The following PMS1 variants were observed in gnomAD, a reference collection of about 807,000 sequenced individuals.
PMS1 encodes PMS1 protein homolog 1.
PMS1 carries 79 observed loss-of-function variants against 93.1 expected under a neutral mutation model. The ratio of observed to expected loss-of-function variants is 0.85; its 90% CI spans 0.71 to 1.02. The LOEUF is 1.02. PMS1 is among the 50% of genes least tolerant of loss of function. PMS1 has a pLI of 0.00. For synonymous variants in PMS1, 335 were observed against 363.4 expected (o/e 0.92, Z 0.89); for missense variants, 1,064 against 1,085.3 (o/e 0.98, Z 0.28).
Position 189,863,883 on chromosome 2 carries a change from A to G in PMS1, c.1997A>G (p.His666Arg). 2 of 1,614,132 alleles carry G rather than the reference A, an allele frequency of 1.2e-6. No individual in the cohort carries two copies. Among genetic ancestry groups the G allele is most frequent in the South Asian group, 1.1e-5 (1 of 91,078 alleles). Reference sequence around the variant, plus strand: ...AGCGCATGGAATTTGGCCCAGAAGCACAAGTTAAAAACCTCATTATCTAAT... The same window carrying G: ...AGCGCATGGAATTTGGCCCAGAAGCGCAAGTTAAAAACCTCATTATCTAAT... ...PTSAWNLAQK[H>R]KLKTSLSNQP... The change falls in exon 10 of 13, where the codon CAC (histidine) becomes CGC (arginine). Residue 666 changes from histidine (H) to arginine (R), a missense_variant. By Grantham distance (29) the His-to-Arg change is conservative. Transcript: ENST00000441310.
At position 189,805,681 on chromosome 2, in the gene PMS1, T is replaced by C. The variant is rs2066457; in HGVS notation, c.345T>C (p.Asp115=). Residue 115 remains aspartate (D), a synonymous_variant, in exon 4 of 13, where the codon GAT becomes GAC. Coordinates refer to ENST00000441310, the MANE Select transcript of PMS1 (RefSeq NM_000534.5). ...TAATTACAACAAGAACGGCTGCTGA[T>C]AATTTTAGCACCCAGTATGTTTTAG... ...EVLITTRTAA[D]NFSTQYVLDG... 4,888 of 1,613,826 alleles carry C rather than the reference T, an allele frequency of 3.0e-3. 121 individuals are homozygous for C. The African/African-American group carries it at 0.057, about 19-fold the overall frequency.
intron 4 of PMS1, chr2:189,806,476 C>T (rs771630319): frequency 2.8e-5 from 8 of 282,996 alleles, no homozygotes; most frequent in East Asian, 8.2e-5. Flanking sequence ...TGGTTCACTG[C>T]AACCTCTGCC....
At chr2:189,790,205 T>G (rs538927296) in intron 1 of PMS1, among the ~76,000 whole-genome samples, 1 of 152,284 alleles carries the variant, frequency 6.6e-6, no homozygotes, top group Admixed American at 6.5e-5. Flanking sequence ...CTAAAGGAGC[T>G]CAGTGATTGA....
intron 2 of PMS1, 52 bp downstream of exon 2, chr2:189,791,993 A>C: frequency 6.5e-7 from 1 of 1,539,266 alleles, no homozygotes; most frequent in Non-Finnish European, 9.0e-7. Flanking sequence ...AAGGGTCTGG[A>C]CACATGTTTT....
chr2:189,823,745 C>T (rs1224648499), intron 5 of PMS1, among the ~76,000 whole-genome samples: 1 of 151,276 alleles, frequency 6.6e-6, no homozygotes, highest in Non-Finnish European at 1.5e-5. Flanking sequence ...TCGTTTCCCA[C>T]ATATAAAGTA....
chr2:189,845,285 C>T (rs2054160217), intron 6 of PMS1, among the ~76,000 whole-genome samples: 1 of 151,992 alleles, frequency 6.6e-6, no homozygotes, highest in Non-Finnish European at 1.5e-5. Flanking sequence ...AGTGGGATTA[C>T]ATTTTACCTC....
rs780372372 is a variant in PMS1 at position 189,854,931 on chromosome 2, A to C, written c.1659A>C (p.Ile553=). The change falls in exon 9 of 13, where the codon ATA becomes ATC. Residue 553 remains isoleucine (I), a synonymous_variant. Transcript: ENST00000441310. ...EDSCNKKSNV[I]DNKSGKVTAY... ...CATGTAACAAAAAATCAAATGTAAT[A>C]GATAATAAATCTGGAAAAGTTACAG... 1 of 1,607,250 alleles carries C rather than the reference A, an allele frequency of 6.2e-7. No individual in the cohort carries two copies. The highest frequency in any genetic ancestry group is 8.5e-7 in the Non-Finnish European group (1 of 1,174,380).
Position 189,818,023 on chromosome 2 carries a change from C to A in PMS1, c.425C>A (p.Thr142Asn). 6.2e-7 allele frequency: 1 copy of A among 1,607,100 alleles called. No individual in the cohort carries two copies. The highest frequency in any genetic ancestry group is 8.5e-7 in the Non-Finnish European group (1 of 1,174,262). ...QKPSHLGQGTTVTALRLFKNL... is the reference protein window; with the variant it reads ...QKPSHLGQGTNVTALRLFKNL... ...TTCTCTTGTCTGCCAACAGGTACAA[C>A]TGTAACTGCTTTAAGATTATTTAAG... is the stretch of plus-strand genomic sequence containing the variant. Residue 142 changes from threonine to asparagine, a missense_variant, in exon 5 of 13, where the codon ACT becomes AAT. Thr to Asn is a moderately conservative substitution (Grantham distance 65). Transcript: ENST00000441310.
intron 5 of PMS1, among the ~76,000 whole-genome samples, chr2:189,831,687 A>G (rs1304911546): frequency 6.6e-6 from 1 of 152,224 alleles, no homozygotes; most frequent in Non-Finnish European, 1.5e-5. Context: ...CAAAACTTTT[A>G]AAGTGAAATC....
At chr2:189,849,537 T>C (rs1192621277) in intron 6 of PMS1, among the ~76,000 whole-genome samples, 1 of 152,200 alleles carries the variant, frequency 6.6e-6, no homozygotes, top group African/African-American at 2.4e-5. Context: ...TTCTGCTTTC[T>C]TGAGACAAAA....
Position 189,791,854 on chromosome 2 carries a change from T to C in PMS1, c.45T>C (p.Ser15=). ...CAACAGTTCGACTCCTTTCAAGTTC[T>C]CAGATCATCACTTCGGTGGTCAGTG... ...PAATVRLLSS[S]QIITSVVSVV... Residue 15 remains serine (S), a synonymous_variant, in exon 2 of 13, where the codon TCT becomes TCC. Coordinates refer to ENST00000441310, the MANE Select transcript of PMS1 (RefSeq NM_000534.5). 6.2e-7 allele frequency: 1 copy of C among 1,613,946 alleles called. No homozygotes were observed. The highest frequency in any genetic ancestry group is 8.5e-7 in the Non-Finnish European group (1 of 1,179,780).
Position 189,854,760 on chromosome 2 carries a change from T to C in PMS1, c.1488T>C (p.Asp496=), listed in dbSNP as rs747037734. The C allele has an allele frequency of 2.0e-5, 33 of 1,613,666 alleles. No individual in the cohort carries two copies. The highest frequency in any genetic ancestry group is 2.8e-5 in the Non-Finnish European group (33 of 1,179,832). The change falls in exon 9 of 13, where the codon GAT becomes GAC. Residue 496 remains aspartate (D), a synonymous_variant. Coordinates refer to ENST00000441310, the MANE Select transcript of PMS1 (RefSeq NM_000534.5). The part of the protein sequence containing the change: ...GLENSSEISA[D]EWSRGNILKN... ...AAAACTCTTCGGAAATTTCTGCAGA[T>C]GAGTGGAGCAGGGGAAATATACTTA...
intron 6 of PMS1, among the ~76,000 whole-genome samples, chr2:189,850,479 G>T (rs1418020573): frequency 6.6e-6 from 1 of 152,192 alleles, no homozygotes; most frequent in African/African-American, 2.4e-5. Context: ...GTGACAGCCA[G>T]TTGAAGATGG....
chr2:189,816,952 C>T (rs912944756), intron 4 of PMS1, among the ~76,000 whole-genome samples: 1 of 151,760 alleles, frequency 6.6e-6, no homozygotes, highest in Non-Finnish European at 1.5e-5. Flanking sequence ...TTTATTCTAT[C>T]TTTTTATTCT....
At chr2:189,834,798 T>C (rs2106382789) in intron 5 of PMS1, among the ~76,000 whole-genome samples, 1 of 152,170 alleles carries the variant, frequency 6.6e-6, no homozygotes, top group African/African-American at 2.4e-5. Context: ...GGCATGATCA[T>C]AGCTCACTTC....
At chr2:189,804,815 C>T (rs933383853) in intron 3 of PMS1, among the ~76,000 whole-genome samples, 1 of 152,170 alleles carries the variant, frequency 6.6e-6, no homozygotes, top group Non-Finnish European at 1.5e-5. Flanking sequence ...AATTTTGGGT[C>T]ATCATTGGCT....
At position 189,877,525 on chromosome 2, in the gene PMS1, G is replaced by A. The variant is rs1372198667; in HGVS notation, c.*89G>A. ...TGGTTTTAAATTATCTTTGTATTATGTGTCACATGGTTATTTTTTAAATGA... is the reference window on the plus strand; with the variant it reads ...TGGTTTTAAATTATCTTTGTATTATATGTCACATGGTTATTTTTTAAATGA... On this transcript the variant is annotated 3_prime_UTR_variant, in exon 13 of 13. Coordinates refer to ENST00000441310, the MANE Select transcript of PMS1 (RefSeq NM_000534.5). 1.2e-6 allele frequency: 1 copy of A among 824,164 alleles called. No homozygotes were observed. The highest frequency in any genetic ancestry group is 2.4e-5 in the Admixed American group (1 of 41,668). 51.1% of individuals were successfully genotyped at this position (824,164 alleles called of 1,614,324 possible).
At chr2:189,829,063 C>CT in intron 5 of PMS1, among the ~76,000 whole-genome samples, 1 of 152,240 alleles carries the variant, frequency 6.6e-6, no homozygotes, top group East Asian at 1.9e-4. Context: ...TGCCCAATGA[C>CT]TTAAACATTG....
At chr2:189,853,690 A>T (rs112794075) in intron 7 of PMS1, among the ~76,000 whole-genome samples, 140 of 150,090 alleles carry the variant, frequency 9.3e-4, no homozygotes, top group African/African-American at 3.2e-3. Flanking sequence ...TAATTTTTGT[A>T]CTTTTTAGTA....
Sources: allele counts gnomAD v4.1 joint callset (sites outside exome capture counted in the v4.1 genomes callset), GRCh38; gene constraint gnomAD v4.1.1; transcripts MANE v1.5; gene names NCBI Gene and HGNC (gene_info 2026-07-23, HGNC 2026-07-21).